Variants in PLXNA2 observed in about 807,000 individuals in gnomAD.
PLXNA2 encodes plexin A2, also known as plexin-A2.
PLXNA2 carries 91 observed loss-of-function variants against 193.5 expected under a neutral mutation model. That is an observed-to-expected ratio of 0.47 (90% CI 0.40 to 0.56). The LOEUF (loss-of-function observed/expected upper bound fraction) is 0.56. PLXNA2 is among the 20% of genes least tolerant of loss of function. The pLI is 0.00. For missense variants in PLXNA2, 1,995 were observed against 2,503.2 expected (o/e 0.80, Z 4.33); for synonymous variants, 997 against 1,027.3 (o/e 0.97, Z 0.56).
chr1:208,207,148 G>A (rs1670756582), intron 3 of PLXNA2, among the ~76,000 whole-genome samples: 1 of 152,226 alleles, frequency 6.6e-6, no homozygotes, highest in Admixed American at 6.5e-5. Flanking sequence ...TGGGACTACA[G>A]GCATGTGCCA....
chr1:208,129,867 G>T (rs185881363), intron 4 of PLXNA2, among the ~76,000 whole-genome samples: 4 of 152,326 alleles, frequency 2.6e-5, no homozygotes, highest in Non-Finnish European at 4.4e-5. Flanking sequence ...CTATTTAATG[G>T]CTAAGTGGCT....
intron 3 of PLXNA2, among the ~76,000 whole-genome samples, chr1:208,162,707 T>C (rs937798628): frequency 1.3e-5 from 2 of 152,120 alleles, no homozygotes; most frequent in African/African-American, 2.4e-5. Context: ...ATGCCTACAA[T>C]AGCTCTATGA....
At chr1:208,111,548 T>C (rs564698982) in intron 4 of PLXNA2, among the ~76,000 whole-genome samples, 2 of 152,310 alleles carry the variant, frequency 1.3e-5, no homozygotes, top group East Asian at 3.9e-4. Context: ...TGTGTCGCCA[T>C]GGGCACTCCG....
intron 15 of PLXNA2, among the ~76,000 whole-genome samples, chr1:208,051,773 C>A (rs997732005): frequency 1.3e-5 from 2 of 152,202 alleles, no homozygotes; most frequent in African/African-American, 4.8e-5. Flanking sequence ...ACCTACTGTA[C>A]ATAGCAGTGA....
intron 3 of PLXNA2, among the ~76,000 whole-genome samples, chr1:208,170,037 C>G (rs1377278248): frequency 1.3e-5 from 2 of 152,172 alleles, no homozygotes; most frequent in Admixed American, 6.5e-5. Flanking sequence ...TAGATATTCA[C>G]CACCTCTTCT....
rs1491327653 is a variant in PLXNA2, at chr1:208,085,099, T to TTA, written c.2098-520_2098-519insTA. Among the ~76,000 whole-genome samples the TTA allele has an allele frequency of 2.7e-3, 406 of 151,562 alleles. 3 individuals carry two copies. The highest frequency in any genetic ancestry group is 9.3e-3 in the African/African-American group (386 of 41,356). The stretch of plus-strand genomic sequence containing the variant: ...CACTTGCTCTGTTTTTTTTTTTTTT[T>TTA]AATCTCATTTCATTACCAGGCCCTG... On this transcript the variant is annotated intron_variant, in intron 9 of 31. Coordinates refer to ENST00000367033, the MANE Select transcript of PLXNA2 (RefSeq NM_025179.4).
intron 27 of PLXNA2, 135 bp from the exon 28 acceptor site, chr1:208,033,644 C>T: frequency 1.6e-6 from 1 of 627,744 alleles, no homozygotes; most frequent in Non-Finnish European, 2.6e-6. Flanking sequence ...ACCGTTGGGA[C>T]CTCATATATG....
intron 14 of PLXNA2, among the ~76,000 whole-genome samples, chr1:208,053,978 A>G (rs1665345925): frequency 6.6e-6 from 1 of 152,204 alleles, no homozygotes; most frequent in African/African-American, 2.4e-5. Flanking sequence ...CTAAACTCCC[A>G]CTTAAAATAT....
At chr1:208,039,061 T>A in intron 24 of PLXNA2, 77 bp from the exon 25 acceptor site, 1 of 1,366,234 alleles carries the variant, frequency 7.3e-7, no homozygotes, top group Non-Finnish European at 1.0e-6. Flanking sequence ...GACCTCAGAA[T>A]CTTCTTTTTC....
At chr1:208,151,998 C>G (rs1013851478) in intron 3 of PLXNA2, among the ~76,000 whole-genome samples, 1 of 152,332 alleles carries the variant, frequency 6.6e-6, no homozygotes, top group East Asian at 1.9e-4. Context: ...ACAAAGAAGG[C>G]CACCTGCAGT....
chr1:208,216,944 T>G lies in PLXNA2; in HGVS notation c.979A>C (p.Asn327His), dbSNP rs1265183685. Residue 327 changes from asparagine to histidine, a missense_variant, in exon 2 of 32, where the codon AAT becomes CAT. Asn to His is a moderately conservative substitution (Grantham distance 68). This residue lies in a region of PLXNA2 where 702 missense variants were observed against 812.9 expected (regional missense o/e 0.86). Coordinates refer to ENST00000367033, the MANE Select transcript of PLXNA2 (RefSeq NM_025179.4). Reference protein sequence around the residue: ...KPGDSLAQAFNITSQDDVLFA... With the variant: ...KPGDSLAQAFHITSQDDVLFA... ...AGTACATCGTCCTGGCTGGTGATATTGAAGGCCTGGGCCAGTGAGTCCCCA... is the reference window on the plus strand; with the variant it reads ...AGTACATCGTCCTGGCTGGTGATATGGAAGGCCTGGGCCAGTGAGTCCCCA... 3 of 1,614,048 alleles carry G rather than the reference T, an allele frequency of 1.9e-6. No homozygotes were observed. In the African/African-American group the frequency reaches 4.0e-5, roughly 22 times the overall value.
chr1:208,116,218 C>G (rs574461582), intron 4 of PLXNA2, among the ~76,000 whole-genome samples: 2 of 152,146 alleles, frequency 1.3e-5, no homozygotes, highest in South Asian at 2.1e-4. Context: ...TTACTTCTCT[C>G]TCTGAACTGA....
intron 12 of PLXNA2, among the ~76,000 whole-genome samples, chr1:208,068,268 A>G (rs140867255): frequency 3.0e-4 from 45 of 152,332 alleles, no homozygotes; most frequent in African/African-American, 1.0e-3. Context: ...GTATTCTTTA[A>G]TGATGACTGG....
At position 208,025,263 on chromosome 1, in the gene PLXNA2, T is replaced by C. The variant is rs909304099; in HGVS notation, c.*1980A>G. The C allele has an allele frequency of 5.2e-5, 8 of 152,540 alleles. No homozygotes were observed. The highest frequency in any genetic ancestry group is 1.9e-4 in the African/African-American group (8 of 41,456). The allele number at this position is 152,540 out of a possible 1,614,324, so 9.4% of individuals were successfully genotyped here. A position where few individuals can be genotyped will look rare whatever the true frequency, so the allele number is the denominator to read the frequency against. The stretch of plus-strand genomic sequence containing the variant: ...GCGATCCAAAGCTACACGCCAAGGA[T>C]GGAAGCCAGACCTCTGCGCTCCCCT... On this transcript the variant is annotated 3_prime_UTR_variant, in exon 32 of 32. Transcript: ENST00000367033.
At chr1:208,159,144 G>A (rs1309821301) in intron 3 of PLXNA2, among the ~76,000 whole-genome samples, 1 of 152,156 alleles carries the variant, frequency 6.6e-6, no homozygotes, top group Non-Finnish European at 1.5e-5. Flanking sequence ...CCAGGAAAAT[G>A]GGGAAACCCC....
At chr1:208,222,514 G>A (rs1325437115) in intron 1 of PLXNA2, among the ~76,000 whole-genome samples, 1 of 152,170 alleles carries the variant, frequency 6.6e-6, no homozygotes, top group African/African-American at 2.4e-5. Flanking sequence ...TATTTTATGT[G>A]GAGGGCCCGA....
Position 208,079,330 on chromosome 1 carries a change from G to C in PLXNA2, c.2516C>G (p.Thr839Ser). ...GTCGAGCCAGGGGCTGGAAGGGCTG[G>C]TACAGTGCTGGTGGAGGGTGCACCT... ...ERRCTLHQHC[T>S]SPSSPWLDWS... The change falls in exon 12 of 32, where the codon ACC becomes AGC. Residue 839 changes from threonine to serine, a missense_variant. This residue lies in a region of PLXNA2 where 1,291 missense variants were observed against 1,673.6 expected (regional missense o/e 0.77). Transcript: ENST00000367033. The C allele has an allele frequency of 7.4e-6, 12 of 1,614,016 alleles. No homozygotes were observed. The highest frequency in any genetic ancestry group is 1.0e-5 in the Non-Finnish European group (12 of 1,179,900).
chr1:208,052,567 G>T, intron 14 of PLXNA2, 104 bp from the exon 15 acceptor site: 1 of 1,125,734 alleles, frequency 8.9e-7, no homozygotes. Flanking sequence ...TCTGGGCGTG[G>T]TGGTACTTGT....
chr1:208,134,428 T>G (rs1008598081), intron 4 of PLXNA2, among the ~76,000 whole-genome samples: 6 of 152,138 alleles, frequency 3.9e-5, no homozygotes, highest in African/African-American at 1.4e-4. Flanking sequence ...GGAAAGGCAC[T>G]GATGTGAGTG....
Sources: gnomAD v4.1 joint callset for allele counts (sites outside exome capture counted in the v4.1 genomes callset) on GRCh38, gnomAD v4.1.1 for gene constraint, gnomAD v4.1.1 regional missense constraint, MANE v1.5 for transcripts, NCBI Gene and HGNC (gene_info 2026-07-23, HGNC 2026-07-21) for gene names.